Variants in HSPA4 observed in about 807,000 individuals in gnomAD.
The protein encoded by HSPA4 is heat shock 70 kDa protein 4.
Under a neutral mutation model 106.2 loss-of-function variants are expected in HSPA4, and 25 were observed. That is an observed-to-expected ratio of 0.24 (90% confidence interval 0.17 to 0.33). HSPA4 has a LOEUF of 0.33. HSPA4 is among the 10% of genes least tolerant of loss of function. The probability of loss-of-function intolerance (pLI) is 1.00; values close to 1 mark genes in which losing one functional copy is unlikely to be tolerated. For synonymous variants in HSPA4, 332 were observed against 333.6 expected, an observed-to-expected ratio of 1.00 and a Z score of 0.05; for missense variants, 841 against 996.0, an observed-to-expected ratio of 0.84 and a Z score of 2.10.
chr5:133,076,853 T>C lies in HSPA4; in HGVS notation c.863T>C (p.Ile288Thr), dbSNP rs771774719. The C allele has an allele frequency of 3.7e-6, 6 of 1,611,686 alleles. No individual in the cohort carries two copies. The highest frequency in any genetic ancestry group is 1.1e-5 in the South Asian group (1 of 91,040). ...SANASDLPLSIECFMNDVDVS... is the reference protein window; with the variant it reads ...SANASDLPLSTECFMNDVDVS... ...AATGCTTCAGATCTCCCTTTGAGCA[T>C]TGAATGTTTTATGAATGATGTTGAT... Residue 288 changes from isoleucine to threonine, a missense_variant, in exon 7 of 19, where the codon ATT becomes ACT. Around this residue, in one of 5 missense-constraint regions of HSPA4, gnomAD observed 347 missense variants for 408.7 expected, o/e 0.85. Coordinates refer to ENST00000304858, the MANE Select transcript of HSPA4 (RefSeq NM_002154.4).
intron 6 of HSPA4, among the ~76,000 whole-genome samples, 177 bp downstream of exon 6, chr5:133,074,303 A>G (rs1188737770): frequency 6.9e-6 from 1 of 143,904 alleles, no homozygotes; most frequent in African/African-American, 2.6e-5. Flanking sequence ...TTTGAGATAG[A>G]GTTTCGCTCT....
At chr5:133,086,720 C>T in intron 7 of HSPA4, 62 bp from the exon 8 acceptor site, 1 of 1,150,956 alleles carries the variant, frequency 8.7e-7, no homozygotes. Context: ...GCCATCCATT[C>T]CACATAAAAG....
chr5:133,080,148 T>G (rs1382573428), intron 7 of HSPA4, among the ~76,000 whole-genome samples: 4 of 151,834 alleles, frequency 2.6e-5, no homozygotes, highest in Non-Finnish European at 4.4e-5. Flanking sequence ...GTGTGGTGGC[T>G]CACACCTGTA....
chr5:133,054,845 C>T (rs1187201659), intron 1 of HSPA4, among the ~76,000 whole-genome samples: 1 of 152,110 alleles, frequency 6.6e-6, no homozygotes, highest in Non-Finnish European at 1.5e-5. Context: ...AAGGCTAAAG[C>T]GCTGAGTTAA....
intron 1 of HSPA4, 97 bp from the exon 2 acceptor site, chr5:133,064,883 T>C (rs1765288842): frequency 1.0e-6 from 1 of 995,198 alleles, no homozygotes; most frequent in East Asian, 2.4e-5. Flanking sequence ...CATTAAAATA[T>C]ATGGCATTTT....
rs188277019 is a variant in HSPA4, at chr5:133,075,562, G to A, written c.664-1092G>A. Among the ~76,000 whole-genome samples, 847 of 152,116 alleles carry A rather than the reference G, an allele frequency of 5.6e-3. 6 individuals are homozygous for A. The highest frequency in any genetic ancestry group is 0.019 in the African/African-American group (806 of 41,488). On this transcript the variant is annotated intron_variant, in intron 6 of 18. Coordinates refer to ENST00000304858, the MANE Select transcript of HSPA4 (RefSeq NM_002154.4). ...TCTACAAAAGTTAGCTGGGTGTGGC[G>A]GTGTGCTTGTAGTCCTAGCTACTCT...
intron 1 of HSPA4, among the ~76,000 whole-genome samples, chr5:133,058,893 C>T (rs1483734077): frequency 2.0e-5 from 3 of 151,314 alleles, no homozygotes; most frequent in East Asian, 2.0e-4. Context: ...TTTCGAAGGC[C>T]GAGGTGGGCA....
At chr5:133,055,703 A>G (rs1325511791) in intron 1 of HSPA4, among the ~76,000 whole-genome samples, 3 of 152,178 alleles carry the variant, frequency 2.0e-5, no homozygotes, top group Non-Finnish European at 1.5e-5. Context: ...AAAAATATGT[A>G]GTAATTACTA....
chr5:133,078,813 A>G (rs541223273), intron 7 of HSPA4, among the ~76,000 whole-genome samples: 1 of 151,946 alleles, frequency 6.6e-6, no homozygotes, highest in South Asian at 2.1e-4. Context: ...GGCTCACTGC[A>G]CCCTCTGTTT....
At chr5:133,092,897 T>G (rs534058020) in intron 13 of HSPA4, 108 bp downstream of exon 13, 27 of 635,698 alleles carry the variant, frequency 4.2e-5, no homozygotes, top group African/African-American at 3.6e-4. Context: ...CTCGGCTCGC[T>G]GCATCCTCCA....
chr5:133,072,275 A>G (rs368073057), intron 4 of HSPA4, among the ~76,000 whole-genome samples: 3 of 152,052 alleles, frequency 2.0e-5, no homozygotes, highest in African/African-American at 7.2e-5. Context: ...CAGAGTCTGG[A>G]GGAAACCAGG....
intron 11 of HSPA4, among the ~76,000 whole-genome samples, chr5:133,090,865 TGAGTA>T (rs1393127269): frequency 1.3e-5 from 2 of 152,160 alleles, no homozygotes; most frequent in Admixed American, 1.3e-4. Flanking sequence ...TTTTGTTTTT[TGAGTA>T]GAGAATGTGA....
chr5:133,096,070 T>G (rs1765707735), intron 13 of HSPA4, 28 bp from the exon 14 acceptor site: 11 of 1,604,082 alleles, frequency 6.9e-6, no homozygotes, highest in Non-Finnish European at 8.5e-6. Context: ...GTATATGTGT[T>G]TGTTCTTAAT....
chr5:133,066,561 C>T (rs191624822), intron 2 of HSPA4, among the ~76,000 whole-genome samples: 1 of 152,074 alleles, frequency 6.6e-6, no homozygotes, highest in Admixed American at 6.5e-5. Context: ...TATGAATAGC[C>T]CATAATTTAA....
rs1007304456 is a variant in HSPA4, at chr5:133,104,811, T to C, written c.*375T>C. The stretch of plus-strand genomic sequence containing the variant: ...TGACTTACATGGCAGGAGCTCTAAT[T>C]ATGCTTTAAAAATCTGTTGTGGAGA... On this transcript the variant is annotated 3_prime_UTR_variant, in exon 19 of 19. Coordinates refer to ENST00000304858, the MANE Select transcript of HSPA4 (RefSeq NM_002154.4). 3 of 209,624 alleles carry C rather than the reference T, an allele frequency of 1.4e-5. No homozygotes were observed. Among genetic ancestry groups the C allele is most frequent in the Non-Finnish European group, 2.9e-5 (3 of 102,870 alleles). The allele number at this position is 209,624 out of a possible 1,614,324, so 13.0% of individuals were successfully genotyped here.
At chr5:133,072,869 T>G (rs572500174) in intron 4 of HSPA4, among the ~76,000 whole-genome samples, 2 of 152,338 alleles carry the variant, frequency 1.3e-5, no homozygotes, top group East Asian at 3.9e-4. Flanking sequence ...GGAAATTTTT[T>G]CTATTGATTT....
intron 11 of HSPA4, among the ~76,000 whole-genome samples, chr5:133,090,253 C>T (rs925727110): frequency 1.3e-5 from 2 of 150,884 alleles, no homozygotes; most frequent in African/African-American, 2.4e-5. Flanking sequence ...GGTGAAACCC[C>T]GTCTCTACTA....
chr5:133,070,252 T>C, intron 3 of HSPA4, 122 bp from the exon 4 acceptor site: 1 of 944,440 alleles, frequency 1.1e-6, no homozygotes, highest in Non-Finnish European at 1.6e-6. Context: ...TTTTTTTTTT[T>C]CAATCCCCTC....
chr5:133,103,288 C>CT (rs944042085), intron 17 of HSPA4, among the ~76,000 whole-genome samples: 10 of 151,836 alleles, frequency 6.6e-5, no homozygotes, highest in African/African-American at 9.7e-5. Context: ...AAGTCATGAG[C>CT]TTAAGCGATC....
Sources: allele counts gnomAD v4.1 joint callset (sites outside exome capture counted in the v4.1 genomes callset), GRCh38; gene constraint gnomAD v4.1.1; regional missense constraint gnomAD v4.1.1; transcripts MANE v1.5; gene names NCBI Gene and HGNC (gene_info 2026-07-23, HGNC 2026-07-21).